PCDHGB3: variants seen among roughly 807,000 people sequenced by gnomAD.
PCDHGB3 encodes the protein protocadherin gamma-B3.
PCDHGB3 carries 40 observed loss-of-function variants against 59.2 expected under a neutral mutation model. The ratio of observed to expected loss-of-function variants is 0.68; its 90% confidence interval spans 0.52 to 0.88. The LOEUF is 0.88. Among genes scored for constraint, PCDHGB3 ranks in the 40% least tolerant of loss-of-function variants. PCDHGB3 has a pLI of 0.00. For missense variants in PCDHGB3, 1,309 were observed against 1,187.9 expected, an observed-to-expected ratio of 1.10 and a Z score of -1.50; for synonymous variants, 581 against 503.6, an observed-to-expected ratio of 1.15 and a Z score of -2.06.
At chr5:141,500,699 A>G (rs780869966) in intron 2 of PCDHGB3, among the ~76,000 whole-genome samples, 1 of 152,156 alleles carries the variant, frequency 6.6e-6, no homozygotes, top group Non-Finnish European at 1.5e-5. Context: ...TCTTCTTTGC[A>G]GTGTATCATG....
At chr5:141,407,314 T>G (rs2094914230) in intron 1 of PCDHGB3, among the ~76,000 whole-genome samples, 1 of 152,212 alleles carries the variant, frequency 6.6e-6, no homozygotes, top group Non-Finnish European at 1.5e-5. Flanking sequence ...CCTTCATACT[T>G]AGTATTTATA....
At chr5:141,475,600 T>A (rs1023916159) in intron 1 of PCDHGB3, among the ~76,000 whole-genome samples, 2 of 152,192 alleles carry the variant, frequency 1.3e-5, no homozygotes, top group Admixed American at 1.3e-4. Context: ...TTCCAGACAA[T>A]GTTGTGTAGT....
chr5:141,412,847 A>G (rs1206334568), intron 1 of PCDHGB3: 1 of 213,282 alleles, frequency 4.7e-6, no homozygotes, highest in Non-Finnish European at 9.1e-6. Flanking sequence ...AGGAGTGGAG[A>G]AACCAAAGAA....
chr5:141,420,269 A>G, intron 1 of PCDHGB3: 1 of 1,544,558 alleles, frequency 6.5e-7, no homozygotes, highest in Admixed American at 2.0e-5. Flanking sequence ...GAAGATTCTT[A>G]AACAGGTAAG....
chr5:141,399,138 T>C (rs757310717), intron 1 of PCDHGB3: 3 of 1,613,774 alleles, frequency 1.9e-6, no homozygotes, highest in Non-Finnish European at 2.5e-6. Context: ...AAGATGAAAA[T>C]GACAATAGCC....
In PCDHGB3 at chr5:141,371,615, T is replaced by C. The variant is rs754452070; in HGVS notation, c.1221T>C (p.Asp407=). 3 of 1,613,964 alleles carry C rather than the reference T, an allele frequency of 1.9e-6. No homozygotes were observed. Among genetic ancestry groups the C allele is most frequent in the Middle Eastern group, 3.3e-4 (2 of 6,062 alleles). ...AAAACACATACAGGTTGGTGACAGA[T>C]GGAGCCCTGGACCGGGAGCAGATCC... ...DTKNTYRLVT[D]GALDREQIPE... The change falls in exon 1 of 4, where the codon GAT becomes GAC. Residue 407 remains aspartate, a synonymous_variant. Transcript: ENST00000576222.
intron 1 of PCDHGB3, among the ~76,000 whole-genome samples, chr5:141,483,834 A>G (rs2154580001): frequency 6.6e-6 from 1 of 152,212 alleles, no homozygotes; most frequent in South Asian, 2.1e-4. Flanking sequence ...CTAGGTAAGG[A>G]CTTGGTTGAA....
intron 1 of PCDHGB3, among the ~76,000 whole-genome samples, chr5:141,457,906 T>G (rs1272656638): frequency 6.7e-6 from 1 of 150,040 alleles, no homozygotes; most frequent in Admixed American, 6.6e-5. Flanking sequence ...AGACAAGGTG[T>G]GAGGCCAGTT....
chr5:141,477,296 G>C lies in PCDHGB3; in HGVS notation c.2416-17511G>C. On this transcript the variant is annotated intron_variant, in intron 1 of 3. Transcript: ENST00000576222. This position sits in a 1 kb window ranked among gnomAD's most constrained non-coding sequence, Gnocchi z 4.9. ...GCTGGTGACCTGCGAAGTTCCACCG[G>C]GTCTCCCTTTCAGCCTTACTTCTTC... 3 of 1,614,064 alleles carry C rather than the reference G, an allele frequency of 1.9e-6. No individual in the cohort carries two copies. Among genetic ancestry groups the C allele is most frequent in the African/African-American group, 1.3e-5 (1 of 75,014 alleles).
chr5:141,383,681 T>G (rs1299329378), intron 1 of PCDHGB3: 2 of 1,613,902 alleles, frequency 1.2e-6, no homozygotes, highest in Non-Finnish European at 1.7e-6. Flanking sequence ...GGTACAAGAC[T>G]GCTCACGGTA....
At position 141,394,887 on chromosome 5, in the gene PCDHGB3, T is replaced by C. The variant is rs781200096; in HGVS notation, c.2415+22078T>C. 63 of 1,613,752 alleles carry C rather than the reference T, an allele frequency of 3.9e-5. 1 individual carries two copies. In the Admixed American group the frequency reaches 1.0e-3, roughly 26 times the overall value. ...CCCGAACGATTCGAGCCTTACACTC[T>C]ATCTCGTGGTGGCAGTGGCTGCCAT... is the stretch of plus-strand genomic sequence containing the variant. On this transcript the variant is annotated intron_variant, in intron 1 of 3. Coordinates refer to ENST00000576222, the MANE Select transcript of PCDHGB3 (RefSeq NM_018924.5).
At chr5:141,394,430 C>G in intron 1 of PCDHGB3, 2 of 1,614,244 alleles carry the variant, frequency 1.2e-6, no homozygotes, top group Non-Finnish European at 1.7e-6. Flanking sequence ...ACAGCGGGGA[C>G]CCGCCCCTCA....
chr5:141,475,297 T>C lies in PCDHGB3; in HGVS notation c.2416-19510T>C, dbSNP rs187277570. Among the ~76,000 whole-genome samples the C allele has an allele frequency of 6.5e-4, 99 of 152,360 alleles. 2 individuals are homozygous for C. Among genetic ancestry groups the C allele is most frequent in the African/African-American group, 2.3e-3 (96 of 41,586 alleles). ...TGAAAGACAGGGTAGGGAAATTTCT[T>C]ATTGCTCCCTGGTTCTTAAGAAATG... On this transcript the variant is annotated intron_variant, in intron 1 of 3. Transcript: ENST00000576222.
At chr5:141,423,228 CA>C in intron 1 of PCDHGB3, 1 of 1,613,866 alleles carries the variant, frequency 6.2e-7, no homozygotes, top group Non-Finnish European at 8.5e-7. Flanking sequence ...CTGTGGCCGA[CA>C]GCATCCCCGA....
intron 1 of PCDHGB3, among the ~76,000 whole-genome samples, chr5:141,467,305 G>A (rs535466592): frequency 1.3e-5 from 2 of 152,078 alleles, no homozygotes; most frequent in African/African-American, 4.8e-5. Flanking sequence ...CACTCACCTC[G>A]GCCTCCCACA....
In PCDHGB3 at chr5:141,419,061, A is replaced by G. The variant is rs747692559; in HGVS notation, c.2415+46252A>G. 5.0e-6 allele frequency: 8 copies of G among 1,613,964 alleles called. No homozygotes were observed. In the Admixed American group the frequency reaches 1.3e-4, roughly 27 times the overall value. ...AAGATTCATTCTTCTTCTAATAATT[A>G]CTACAAGCTAGTAACAGATGAGGCC... On this transcript the variant is annotated intron_variant, in intron 1 of 3. Transcript: ENST00000576222.
At chr5:141,398,343 G>A (rs1393305647) in intron 1 of PCDHGB3, 6 of 1,380,544 alleles carry the variant, frequency 4.3e-6, no homozygotes, top group Non-Finnish European at 6.0e-6. Context: ...GTTCGGAGAA[G>A]CCTTACTTCA....
At chr5:141,397,699 C>A (rs1304915257) in intron 1 of PCDHGB3, among the ~76,000 whole-genome samples, 1 of 152,158 alleles carries the variant, frequency 6.6e-6, no homozygotes, top group Non-Finnish European at 1.5e-5. Flanking sequence ...AAAAACCCAA[C>A]GTGATATTTC....
At position 141,511,127 on chromosome 5, in the gene PCDHGB3, G is replaced by C; in HGVS notation, c.2744G>C (p.Gly915Ala). 1 of 1,614,194 alleles carries C rather than the reference G, an allele frequency of 6.2e-7. No individual in the cohort carries two copies. Among genetic ancestry groups the C allele is most frequent in the Non-Finnish European group, 8.5e-7 (1 of 1,180,018 alleles). The change falls in exon 4 of 4, where the codon GGT becomes GCT. Residue 915 changes from glycine to alanine, a missense_variant. Coordinates refer to ENST00000576222, the MANE Select transcript of PCDHGB3 (RefSeq NM_018924.5). ...AGKRDGKAPA[G>A]GNGNKKKSGK... ...AAGCGGGATGGCAAGGCCCCAGCAG[G>C]TGGCAATGGCAACAAGAAGAAGTCG...
Sources: gnomAD v4.1 joint callset for allele counts (sites outside exome capture counted in the v4.1 genomes callset) on GRCh38, gnomAD v4.1.1 for gene constraint, Gnocchi (gnomAD v3.1) non-coding constraint, MANE v1.5 for transcripts, NCBI Gene and HGNC (gene_info 2026-07-23, HGNC 2026-07-21) for gene names.